EPHA6: variants seen among roughly 807,000 people sequenced by gnomAD.
EPHA6 encodes the protein ephrin type-A receptor 6.
A neutral mutation model predicts 112.0 loss-of-function variants in EPHA6; 50 were observed. That is an observed-to-expected ratio of 0.45 (90% confidence interval 0.36 to 0.56). EPHA6 has a LOEUF of 0.56. Ranked by LOEUF, EPHA6 falls within the 20% of genes least tolerant of loss-of-function variation. The pLI is 0.00. For synonymous variants in EPHA6, 529 were observed against 490.7 expected (o/e 1.08, Z -1.03); for missense variants, 1,280 against 1,417.4 (o/e 0.90, Z 1.56).
At chr3:97,385,729 A>T (rs1577189377) in intron 5 of EPHA6, among the ~76,000 whole-genome samples, 1 of 152,276 alleles carries the variant, frequency 6.6e-6, no homozygotes, top group South Asian at 2.1e-4. Context: ...GCTTCTGGGG[A>T]AGCCTCAGGA....
At chr3:97,591,786 C>G (rs989958075) in intron 11 of EPHA6, among the ~76,000 whole-genome samples, 1 of 152,090 alleles carries the variant, frequency 6.6e-6, no homozygotes, top group Admixed American at 6.6e-5. Context: ...AGAATGTATT[C>G]GTGATTTATT....
At chr3:97,664,873 C>T (rs956797623) in intron 14 of EPHA6, among the ~76,000 whole-genome samples, 4 of 152,184 alleles carry the variant, frequency 2.6e-5, no homozygotes, top group East Asian at 1.9e-4. Context: ...GAATCAATAT[C>T]GTGAACATGG....
At chr3:97,147,020 C>T (rs1177742537) in intron 3 of EPHA6, among the ~76,000 whole-genome samples, 1 of 152,006 alleles carries the variant, frequency 6.6e-6, no homozygotes, top group Non-Finnish European at 1.5e-5. Flanking sequence ...CCATCCTCAA[C>T]TCAAAAATTG....
At chr3:97,130,983 A>G (rs1164062895) in intron 3 of EPHA6, among the ~76,000 whole-genome samples, 2 of 152,100 alleles carry the variant, frequency 1.3e-5, no homozygotes, top group African/African-American at 4.8e-5. Flanking sequence ...GTGATCTTTA[A>G]TCATTCAGCA....
In EPHA6 at chr3:97,008,644, G is replaced by A. The variant is rs116323109; in HGVS notation, c.1114+20651G>A. 3.8e-3 allele frequency among the ~76,000 whole-genome samples: 571 copies of A among 152,190 alleles called. 4 individuals are homozygous for A. Among genetic ancestry groups the A allele is most frequent in the African/African-American group, 0.013 (546 of 41,514 alleles). On this transcript the variant is annotated intron_variant, in intron 3 of 17. Coordinates refer to ENST00000389672, the MANE Select transcript of EPHA6 (RefSeq NM_001080448.3). Reference sequence around the variant, plus strand: ...TCCATCTTATCCTCCATCTAGTTCTGTGCCCTTGATGGAGAGATGCTGTAA... The same window carrying A: ...TCCATCTTATCCTCCATCTAGTTCTATGCCCTTGATGGAGAGATGCTGTAA...
chr3:97,476,952 A>G (rs2091386986), intron 8 of EPHA6, among the ~76,000 whole-genome samples: 1 of 152,112 alleles, frequency 6.6e-6, no homozygotes, highest in South Asian at 2.1e-4. Flanking sequence ...AATGCCAGCT[A>G]CAGTAACAAG....
At chr3:97,597,859 G>A (rs1290135385) in intron 12 of EPHA6, among the ~76,000 whole-genome samples, 2 of 152,154 alleles carry the variant, frequency 1.3e-5, no homozygotes, top group Non-Finnish European at 2.9e-5. Flanking sequence ...AGAAAATCTA[G>A]GATCTGGTGG....
chr3:96,943,060 C>G (rs1049704817), intron 2 of EPHA6, among the ~76,000 whole-genome samples: 1 of 152,126 alleles, frequency 6.6e-6, no homozygotes, highest in African/African-American at 2.4e-5. Flanking sequence ...AAGATCAACT[C>G]TTTTAGATGC....
chr3:97,550,282 G>C (rs2093011831), intron 11 of EPHA6, among the ~76,000 whole-genome samples: 1 of 152,244 alleles, frequency 6.6e-6, no homozygotes, highest in African/African-American at 2.4e-5. Flanking sequence ...GGGACAATAA[G>C]AATATGTGGA....
intron 9 of EPHA6, among the ~76,000 whole-genome samples, chr3:97,481,018 C>T (rs1208195191): frequency 6.6e-6 from 1 of 151,822 alleles, no homozygotes; most frequent in African/African-American, 2.4e-5. Context: ...AGGGGCTCCT[C>T]ACATCCCAGA....
intron 5 of EPHA6, among the ~76,000 whole-genome samples, chr3:97,250,105 A>G (rs2079092572): frequency 6.6e-6 from 1 of 152,214 alleles, no homozygotes; most frequent in African/African-American, 2.4e-5. Context: ...AAAGAAGACT[A>G]TTACAGGCAA....
chr3:97,192,805 G>A (rs2077343022), intron 3 of EPHA6, among the ~76,000 whole-genome samples: 2 of 152,038 alleles, frequency 1.3e-5, no homozygotes, highest in Admixed American at 6.6e-5. Context: ...TTTGTATATG[G>A]CAAGAGATAG....
chr3:97,555,185 G>GT (rs1430164668), intron 11 of EPHA6, among the ~76,000 whole-genome samples: 1 of 151,568 alleles, frequency 6.6e-6, no homozygotes, highest in African/African-American at 2.4e-5. Context: ...GCGGTGTTTG[G>GT]TTTTTTGTCC....
intron 2 of EPHA6, among the ~76,000 whole-genome samples, chr3:96,891,316 C>G (rs1455002339): frequency 6.6e-6 from 1 of 151,962 alleles, no homozygotes; most frequent in African/African-American, 2.4e-5. Context: ...TATTGTTGAA[C>G]AAAAGAAACT....
At chr3:97,334,905 G>A (rs1195521060) in intron 5 of EPHA6, among the ~76,000 whole-genome samples, 1 of 152,038 alleles carries the variant, frequency 6.6e-6, no homozygotes, top group Non-Finnish European at 1.5e-5. Context: ...GTTACAGAAT[G>A]TACTCTATAT....
intron 2 of EPHA6, among the ~76,000 whole-genome samples, chr3:96,934,540 C>T (rs984505767): frequency 6.6e-6 from 1 of 151,372 alleles, no homozygotes; most frequent in Non-Finnish European, 1.5e-5. Flanking sequence ...GCAGAACTAG[C>T]TACTTTACTG....
intron 5 of EPHA6, among the ~76,000 whole-genome samples, chr3:97,255,296 A>C (rs1163348895): frequency 6.6e-6 from 1 of 152,118 alleles, no homozygotes; most frequent in African/African-American, 2.4e-5. Context: ...AAAATTAAGG[A>C]GACTTCTTCA....
chr3:97,084,551 G>A (rs753124530), intron 3 of EPHA6, among the ~76,000 whole-genome samples: 3 of 151,978 alleles, frequency 2.0e-5, no homozygotes, highest in Non-Finnish European at 2.9e-5. Flanking sequence ...ACCAATCATT[G>A]TTTCAGGATA....
At chr3:97,203,253 T>A (rs1384433404) in intron 3 of EPHA6, among the ~76,000 whole-genome samples, 1 of 152,022 alleles carries the variant, frequency 6.6e-6, no homozygotes, top group African/African-American at 2.4e-5. Context: ...GAAAGAGTCA[T>A]TGGGATAATT....
Sources: allele counts gnomAD v4.1 joint callset (sites outside exome capture counted in the v4.1 genomes callset), GRCh38; gene constraint gnomAD v4.1.1; transcripts MANE v1.5; gene names NCBI Gene and HGNC (gene_info 2026-07-23, HGNC 2026-07-21).